The following VWC2 variants were observed in gnomAD, a reference collection of about 807,000 sequenced individuals.
VWC2 encodes von Willebrand factor C domain containing 2, also known as brorin.
A neutral mutation model predicts 29.8 loss-of-function variants in VWC2; 14 were observed. The ratio of observed to expected loss-of-function variants is 0.47; its 90% CI spans 0.31 to 0.74. The LOEUF (loss-of-function observed/expected upper bound fraction) is 0.74, where lower values mean the gene tolerates loss of function less well. VWC2 is among the 30% of genes least tolerant of loss of function. The probability of loss-of-function intolerance (pLI) is 0.05; values close to 1 mark genes in which losing one functional copy is unlikely to be tolerated. For missense variants in VWC2, 457 were observed against 459.8 expected (o/e 0.99, Z 0.05); for synonymous variants, 213 against 199.0 (o/e 1.07, Z -0.59).
chr7:49,858,456 C>CA (rs1368082171), intron 3 of VWC2, among the ~76,000 whole-genome samples: 2 of 149,086 alleles, frequency 1.3e-5, no homozygotes, highest in South Asian at 2.1e-4. Flanking sequence ...ATCGCAAGGA[C>CA]AAAAAACCAA....
chr7:49,899,544 C>T (rs1225541663), intron 3 of VWC2, among the ~76,000 whole-genome samples: 1 of 151,900 alleles, frequency 6.6e-6, no homozygotes, highest in Non-Finnish European at 1.5e-5. Flanking sequence ...TCTGACAGAG[C>T]AGACTTTAGA....
rs1793640945 is a variant in VWC2 at position 49,915,010 on chromosome 7, C to G, written c.*2825C>G. 6.6e-6 allele frequency: 1 copy of G among 152,204 alleles called. No individual in the cohort carries two copies. The allele number at this position is 152,204 out of a possible 1,614,324, so 9.4% of individuals were successfully genotyped here. On this transcript the variant is annotated 3_prime_UTR_variant, in exon 4 of 4. Transcript: ENST00000340652. Reference sequence around the variant, plus strand: ...TAATGAATTTATTTCAAATTTTCAACCCATATTTAGATCTGAAAGTATAAA... The same window carrying G: ...TAATGAATTTATTTCAAATTTTCAAGCCATATTTAGATCTGAAAGTATAAA...
chr7:49,915,162 C>T lies in VWC2; in HGVS notation c.*2977C>T, dbSNP rs1793649652. The T allele has an allele frequency of 6.6e-6, 1 of 152,156 alleles. No homozygotes were observed. The highest frequency in any genetic ancestry group is 6.5e-5 in the Admixed American group (1 of 15,270). The allele number at this position is 152,156 out of a possible 1,614,324, so 9.4% of individuals were successfully genotyped here. On this transcript the variant is annotated 3_prime_UTR_variant, in exon 4 of 4. Transcript: ENST00000340652. ...GTGGATTAACAATACTTTTTATTGACATTTCCCAGAAGTCTTGAGAAAAGT... is the reference window on the plus strand; with the variant it reads ...GTGGATTAACAATACTTTTTATTGATATTTCCCAGAAGTCTTGAGAAAAGT...
At chr7:49,891,125 CTT>C (rs1792108479) in intron 3 of VWC2, among the ~76,000 whole-genome samples, 1 of 152,136 alleles carries the variant, frequency 6.6e-6, no homozygotes, top group Non-Finnish European at 1.5e-5. Context: ...TCAAGGGACA[CTT>C]TAACTGCAGG....
rs752065182 is a variant in VWC2 at position 49,912,092 on chromosome 7, C to T, written c.885C>T (p.Asp295=). ...CTGCTGGCAGAGAAGTGAAGACTGA[C>T]GAGTGCACCATATGCCACTGTACTT... ...VIPAGREVKT[D]ECTICHCTYE... is the part of the protein sequence containing the mutation. Residue 295 remains aspartate, a synonymous_variant, in exon 4 of 4, where the codon GAC becomes GAT. Transcript: ENST00000340652. 3.0e-5 allele frequency: 49 copies of T among 1,613,984 alleles called. No homozygotes were observed. The highest frequency in any genetic ancestry group is 3.1e-5 in the Non-Finnish European group (36 of 1,180,014).
At chr7:49,778,669 G>A (rs1433637911) in intron 2 of VWC2, among the ~76,000 whole-genome samples, 2 of 152,228 alleles carry the variant, frequency 1.3e-5, no homozygotes, top group Non-Finnish European at 1.5e-5. Flanking sequence ...ATGTAGAATG[G>A]TATAGGGTTA....
chr7:49,886,628 G>A (rs1791913537), intron 3 of VWC2, among the ~76,000 whole-genome samples: 1 of 152,022 alleles, frequency 6.6e-6, no homozygotes, highest in South Asian at 2.1e-4. Context: ...TTAGGTTCAG[G>A]GGTACATGGG....
intron 2 of VWC2, among the ~76,000 whole-genome samples, chr7:49,791,057 G>A (rs1687878287): frequency 6.6e-6 from 1 of 152,088 alleles, no homozygotes; most frequent in South Asian, 2.1e-4. Context: ...GAAGTCACCA[G>A]ACCTGTGGGT....
chr7:49,829,014 CCT>C (rs141367669), intron 3 of VWC2, among the ~76,000 whole-genome samples: 40 of 149,936 alleles, frequency 2.7e-4, no homozygotes, highest in Non-Finnish European at 3.6e-4. Context: ...GCCCACAGCT[CCT>C]CTCTCTCTCT....
chr7:49,899,568 T>C (rs1383949301), intron 3 of VWC2, among the ~76,000 whole-genome samples: 1 of 151,982 alleles, frequency 6.6e-6, no homozygotes, highest in Non-Finnish European at 1.5e-5. Context: ...AGGAAAGTTA[T>C]CAGCCAGAGG....
chr7:49,808,115 A>C (rs1325414949), intron 3 of VWC2, among the ~76,000 whole-genome samples: 1 of 152,132 alleles, frequency 6.6e-6, no homozygotes, highest in African/African-American at 2.4e-5. Flanking sequence ...AAATAAAAAA[A>C]TAGAAAAAAA....
chr7:49,905,417 CA>C (rs1332308679), intron 3 of VWC2, among the ~76,000 whole-genome samples: 1 of 152,122 alleles, frequency 6.6e-6, no homozygotes, highest in Non-Finnish European at 1.5e-5. Context: ...ACTAAATAAA[CA>C]AAAAGGAAGC....
intron 2 of VWC2, among the ~76,000 whole-genome samples, chr7:49,789,885 G>T (rs1011343730): frequency 6.6e-6 from 1 of 152,208 alleles, no homozygotes; most frequent in African/African-American, 2.4e-5. Context: ...GTGAGAAGCC[G>T]CTCCCTGCAC....
intron 3 of VWC2, among the ~76,000 whole-genome samples, chr7:49,890,186 T>C (rs953074597): frequency 6.6e-6 from 1 of 152,186 alleles, no homozygotes; most frequent in Non-Finnish European, 1.5e-5. Context: ...AACAACTGCA[T>C]AAGTAGCAAA....
chr7:49,775,264 G>C (rs1026166301), intron 1 of VWC2, 69 bp from the exon 2 acceptor site: 3 of 318,848 alleles, frequency 9.4e-6, no homozygotes, highest in Middle Eastern at 8.9e-4. Context: ...CGGAGCCCGG[G>C]TGGGGGCCGC....
chr7:49,886,763 T>C (rs1375518077), intron 3 of VWC2, among the ~76,000 whole-genome samples: 3 of 152,212 alleles, frequency 2.0e-5, no homozygotes, highest in African/African-American at 7.2e-5. Flanking sequence ...ATTCAGCCTT[T>C]CTGAATTTTT....
intron 2 of VWC2, among the ~76,000 whole-genome samples, chr7:49,794,801 C>CCATCCT (rs1788548163): frequency 6.6e-6 from 1 of 152,160 alleles, no homozygotes. Flanking sequence ...GGACACCTCT[C>CCATCCT]CATCCTCATC....
intron 3 of VWC2, among the ~76,000 whole-genome samples, chr7:49,847,738 G>A (rs182749717): frequency 6.6e-6 from 1 of 152,156 alleles, no homozygotes; most frequent in East Asian, 1.9e-4. Flanking sequence ...TTGGCTACTT[G>A]GAGTGATTTC....
intron 3 of VWC2, among the ~76,000 whole-genome samples, chr7:49,851,699 A>G (rs1790184768): frequency 6.6e-6 from 1 of 152,150 alleles, no homozygotes; most frequent in South Asian, 2.1e-4. Context: ...CTCTACTAAA[A>G]ATACAAAACT....
Sources: allele counts gnomAD v4.1 joint callset (sites outside exome capture counted in the v4.1 genomes callset), GRCh38; gene constraint gnomAD v4.1.1; transcripts MANE v1.5; gene names NCBI Gene and HGNC (gene_info 2026-07-23, HGNC 2026-07-21).